Variants in NTRK3 observed in about 807,000 individuals in gnomAD.
NTRK3 encodes NT-3 growth factor receptor.
Under a neutral mutation model 91.7 loss-of-function variants are expected in NTRK3, and 24 were observed. That is an observed-to-expected ratio of 0.26 (90% CI 0.19 to 0.37). NTRK3 has a LOEUF of 0.37. NTRK3 is among the 10% of genes least tolerant of loss of function. The pLI is 1.00. For synonymous variants in NTRK3, 483 were observed against 404.0 expected, an observed-to-expected ratio of 1.20 and a Z score of -2.34; for missense variants, 880 against 1,068.9, an observed-to-expected ratio of 0.82 and a Z score of 2.46.
chr15:88,176,136 CTT>C (rs139583264), intron 5 of NTRK3, among the ~76,000 whole-genome samples: 11 of 116,062 alleles, frequency 9.5e-5, no homozygotes, highest in Admixed American at 5.5e-4. Context: ...TATGCCCCTT[CTT>C]TTTTTTTTTT....
At chr15:88,165,419 C>G (rs1212030296) in intron 5 of NTRK3, among the ~76,000 whole-genome samples, 2 of 152,150 alleles carry the variant, frequency 1.3e-5, no homozygotes, top group African/African-American at 4.8e-5. Flanking sequence ...TGGCTGACCT[C>G]AACTTAATTT....
At chr15:88,120,085 C>T (rs1037918536) in intron 13 of NTRK3, among the ~76,000 whole-genome samples, 1 of 152,204 alleles carries the variant, frequency 6.6e-6, no homozygotes, top group Non-Finnish European at 1.5e-5. Context: ...TGGAAGAAAC[C>T]CTTCTCAGTC....
chr15:88,113,300 C>T (rs2051632046), intron 13 of NTRK3, among the ~76,000 whole-genome samples: 1 of 144,862 alleles, frequency 6.9e-6, no homozygotes, highest in Non-Finnish European at 1.5e-5. Context: ...CCCCCACCTG[C>T]TGATCAATTT....
chr15:87,917,895 C>T (rs1339748794), intron 17 of NTRK3, among the ~76,000 whole-genome samples: 1 of 152,158 alleles, frequency 6.6e-6, no homozygotes, highest in Non-Finnish European at 1.5e-5. Context: ...ATGAGCCAAT[C>T]AAATCTCTTT....
At chr15:88,183,974 A>G (rs1303913913) in intron 4 of NTRK3, among the ~76,000 whole-genome samples, 1 of 152,184 alleles carries the variant, frequency 6.6e-6, no homozygotes, top group African/African-American at 2.4e-5. Flanking sequence ...TTGAAACCCT[A>G]CCTTCAAGAT....
At chr15:88,066,412 A>C (rs1180641253) in intron 13 of NTRK3, among the ~76,000 whole-genome samples, 1 of 152,222 alleles carries the variant, frequency 6.6e-6, no homozygotes, top group Admixed American at 6.5e-5. Context: ...TTGTTTCAAT[A>C]AAGAGCTGAA....
intron 3 of NTRK3, among the ~76,000 whole-genome samples, chr15:88,190,022 C>A (rs1567615159): frequency 6.6e-6 from 1 of 152,144 alleles, no homozygotes; most frequent in Non-Finnish European, 1.5e-5. Flanking sequence ...TTGAGGAAGT[C>A]AACAGGGACA....
chr15:87,917,129 T>C (rs1398316700), intron 17 of NTRK3, among the ~76,000 whole-genome samples: 2 of 152,240 alleles, frequency 1.3e-5, no homozygotes, highest in East Asian at 1.9e-4. Flanking sequence ...GTCTGTTTTA[T>C]AACATAAACC....
intron 17 of NTRK3, among the ~76,000 whole-genome samples, chr15:87,892,083 A>AACACACACAC (rs58946187): frequency 0.04 from 5,654 of 141,354 alleles, 183 homozygotes; most frequent in Non-Finnish European, 0.053. Flanking sequence ...CCCCATCCCC[A>AACACACACAC]ACACACACAC....
chr15:87,893,203 C>T (rs1433185328), intron 17 of NTRK3, among the ~76,000 whole-genome samples: 1 of 152,128 alleles, frequency 6.6e-6, no homozygotes, highest in Non-Finnish European at 1.5e-5. Flanking sequence ...CGTACCCCTC[C>T]TCAAGCCATC....
intron 17 of NTRK3, among the ~76,000 whole-genome samples, chr15:87,904,622 C>A (rs562506758): frequency 2.4e-4 from 36 of 152,192 alleles, no homozygotes; most frequent in African/African-American, 7.7e-4. Context: ...CCCTTGCAGA[C>A]TTGTGTCTAA....
chr15:88,256,627 C>G lies in NTRK3; in HGVS notation c.-219+17G>C. On this transcript the variant is annotated intron_variant, in intron 1 of 18. Coordinates refer to ENST00000394480, the Ensembl canonical transcript of NTRK3. ...CACCTGCAAAACACACACACTCACT[C>G]TCACACATACACACACCCGGAGCCC... 4.4e-6 allele frequency: 2 copies of G among 456,108 alleles called. No individual in the cohort carries two copies. Among genetic ancestry groups the G allele is most frequent in the Non-Finnish European group, 7.5e-6 (2 of 265,532 alleles). 28.3% of individuals were successfully genotyped at this position (456,108 alleles called of 1,614,324 possible).
intron 14 of NTRK3, among the ~76,000 whole-genome samples, chr15:87,968,140 C>T (rs1175616563): frequency 6.6e-6 from 1 of 152,086 alleles, no homozygotes; most frequent in African/African-American, 2.4e-5. Context: ...CCAGTGGTTT[C>T]CAGACATGTG....
intron 14 of NTRK3, among the ~76,000 whole-genome samples, chr15:88,000,783 T>C (rs915812239): frequency 4.1e-4 from 62 of 152,348 alleles, no homozygotes; most frequent in African/African-American, 1.5e-3. Context: ...GTTTCTGCTT[T>C]TTAGCTATTA....
At chr15:88,099,082 G>C (rs549249624) in intron 13 of NTRK3, 7 of 230,896 alleles carry the variant, frequency 3.0e-5, no homozygotes, top group Admixed American at 5.6e-5. Flanking sequence ...AGGGCTGAAA[G>C]AGCATTGTAG....
At chr15:88,114,274 T>C (rs2051785951) in intron 13 of NTRK3, among the ~76,000 whole-genome samples, 1 of 152,078 alleles carries the variant, frequency 6.6e-6, no homozygotes, top group African/African-American at 2.4e-5. Flanking sequence ...TACAGAAACC[T>C]CAGAAGACAT....
chr15:87,984,664 C>G (rs1190707919), intron 14 of NTRK3, among the ~76,000 whole-genome samples: 1 of 152,194 alleles, frequency 6.6e-6, no homozygotes, highest in Non-Finnish European at 1.5e-5. Flanking sequence ...TTTTTTAACA[C>G]AAATGGTCTT....
chr15:88,195,166 C>T (rs2047710914), intron 3 of NTRK3, among the ~76,000 whole-genome samples: 1 of 152,150 alleles, frequency 6.6e-6, no homozygotes, highest in Admixed American at 6.5e-5. Context: ...ACAGCCCCCA[C>T]CCCCAACAGA....
chr15:88,044,967 A>AG (rs900041988), intron 13 of NTRK3, among the ~76,000 whole-genome samples: 2 of 152,196 alleles, frequency 1.3e-5, no homozygotes, highest in Non-Finnish European at 2.9e-5. Context: ...ACCTTTGCAT[A>AG]GGGGATGGAC....
Sources: gnomAD v4.1 joint callset for allele counts (sites outside exome capture counted in the v4.1 genomes callset) on GRCh38, gnomAD v4.1.1 for gene constraint, MANE v1.5 for transcripts, NCBI Gene and HGNC (gene_info 2026-07-23, HGNC 2026-07-21) for gene names.